The following NUDT6 variants were observed in gnomAD, a reference collection of about 807,000 sequenced individuals.
NUDT6 encodes FAD diphosphatase NUDT6.
NUDT6 carries 24 observed loss-of-function variants against 36.8 expected under a neutral mutation model. That is an observed-to-expected ratio of 0.65 (90% CI 0.47 to 0.92). The LOEUF (loss-of-function observed/expected upper bound fraction) is 0.92. Among genes scored for constraint, NUDT6 ranks in the 40% least tolerant of loss-of-function variants. The pLI is 0.00. For synonymous variants in NUDT6, 163 were observed against 157.0 expected, an observed-to-expected ratio of 1.04 and a Z score of -0.29; for missense variants, 388 against 392.8, an observed-to-expected ratio of 0.99 and a Z score of 0.10.
chr4:122,910,787 G>A (rs1199154266), intron 3 of NUDT6, among the ~76,000 whole-genome samples: 3 of 152,084 alleles, frequency 2.0e-5, no homozygotes, highest in Non-Finnish European at 4.4e-5. Context: ...GGGAAACTTA[G>A]GTCCCCAGAG....
At chr4:122,893,733 A>C (rs1395612675) in intron 4 of NUDT6, 2 of 152,300 alleles carry the variant, frequency 1.3e-5, no homozygotes, top group Non-Finnish European at 2.9e-5. Context: ...TTTTTCAATT[A>C]AATGCAAATT....
chr4:122,897,738 G>T, intron 3 of NUDT6, 60 bp from the exon 4 acceptor site: 1 of 1,153,206 alleles, frequency 8.7e-7, no homozygotes, highest in Non-Finnish European at 1.3e-6. Flanking sequence ...CACATATGTA[G>T]ATTTCACAAA....
chr4:122,901,229 A>T (rs985680702), intron 3 of NUDT6, among the ~76,000 whole-genome samples: 2 of 152,076 alleles, frequency 1.3e-5, no homozygotes, highest in African/African-American at 2.4e-5. Context: ...TGATTTTCAC[A>T]TACTACAAAA....
At position 122,922,341 on chromosome 4, in the gene NUDT6, A is replaced by C; in HGVS notation, c.232T>G (p.Leu78Val). The C allele has an allele frequency of 6.3e-7, 1 of 1,599,896 alleles. No individual in the cohort carries two copies. Among genetic ancestry groups the C allele is most frequent in the Non-Finnish European group, 8.5e-7 (1 of 1,178,378 alleles). The change falls in exon 1 of 5, where the codon TTG becomes GTG. Residue 78 changes from leucine to valine, a missense_variant. Coordinates refer to ENST00000304430, the MANE Select transcript of NUDT6 (RefSeq NM_007083.5). ...RLDAAAFQKG[L>V]QAAVQQWRSE... ...TCGTCCCAGGCGCACTTGCCCTGCAAGCCCTTCTGGAAGGCGGCAGCGTCC... is the reference window on the plus strand; with the variant it reads ...TCGTCCCAGGCGCACTTGCCCTGCACGCCCTTCTGGAAGGCGGCAGCGTCC...
intron 1 of NUDT6, 73 bp downstream of exon 1, chr4:122,922,262 G>T: frequency 1.5e-6 from 2 of 1,321,980 alleles, no homozygotes; most frequent in East Asian, 2.5e-5. Flanking sequence ...GAGCGACTAG[G>T]GAGTGGGGGC....
chr4:122,904,165 C>T (rs918229752), intron 3 of NUDT6, among the ~76,000 whole-genome samples: 3 of 152,156 alleles, frequency 2.0e-5, no homozygotes, highest in African/African-American at 7.2e-5. Flanking sequence ...GGGAAGCTTT[C>T]AGCCAGGAAG....
chr4:122,907,007 C>T (rs1230843195), intron 3 of NUDT6, among the ~76,000 whole-genome samples: 6 of 152,162 alleles, frequency 3.9e-5, no homozygotes, highest in Admixed American at 1.3e-4. Context: ...AATTGCCTGC[C>T]CCTTTCCTGG....
intron 3 of NUDT6, among the ~76,000 whole-genome samples, chr4:122,899,069 G>C (rs1727455020): frequency 1.2e-4 from 1 of 8,572 alleles, no homozygotes; most frequent in Non-Finnish European, 6.4e-4. Flanking sequence ...TTAGAGATGA[G>C]ATTTCACCGT....
intron 4 of NUDT6, chr4:122,897,411 T>C (rs1203781382): frequency 5.3e-6 from 3 of 567,534 alleles, no homozygotes; most frequent in Non-Finnish European, 9.5e-6. Flanking sequence ...GGTGGTATGT[T>C]CCTAATGATA....
intron 1 of NUDT6, chr4:122,922,054 A>ACGG (rs1470985443): frequency 5.3e-6 from 2 of 376,638 alleles, no homozygotes; most frequent in Non-Finnish European, 9.4e-6. Flanking sequence ...ATGGTGGTTT[A>ACGG]CGGCAATTTC....
At chr4:122,897,771 T>C (rs1727409001) in intron 3 of NUDT6, 93 bp from the exon 4 acceptor site, 1 of 856,362 alleles carries the variant, frequency 1.2e-6, no homozygotes, top group African/African-American at 1.7e-5. Flanking sequence ...TTGGTCAAAG[T>C]GGTTGAGAAT....
In NUDT6 at chr4:122,913,802, A is replaced by G. The variant is rs139288610; in HGVS notation, c.443-1179T>C. Among the ~76,000 whole-genome samples, 607 of 152,194 alleles carry G rather than the reference A, an allele frequency of 4.0e-3. 2 individuals carry two copies. The highest frequency in any genetic ancestry group is 0.014 in the African/African-American group (564 of 41,488). On this transcript the variant is annotated intron_variant, in intron 2 of 4. Coordinates refer to ENST00000304430, the MANE Select transcript of NUDT6 (RefSeq NM_007083.5). ...TTTTTAAAAATATTTCCCTTTGGGC[A>G]ATCTTGGGTCAAAAATACAAATGAC...
intron 2 of NUDT6, among the ~76,000 whole-genome samples, chr4:122,916,566 G>A (rs1223129278): frequency 6.6e-6 from 1 of 152,124 alleles, no homozygotes; most frequent in Non-Finnish European, 1.5e-5. Context: ...TACTATTTGA[G>A]TAGTGAAGTT....
At chr4:122,917,825 G>A (rs770036985) in intron 1 of NUDT6, 121 bp from the exon 2 acceptor site, 37 of 777,226 alleles carry the variant, frequency 4.8e-5, no homozygotes, top group Non-Finnish European at 6.5e-5. Flanking sequence ...GTCCCCAAAT[G>A]TCTTGTTCAC....
chr4:122,896,357 A>T (rs1455554374), intron 4 of NUDT6: 2 of 152,610 alleles, frequency 1.3e-5, no homozygotes, highest in Non-Finnish European at 2.9e-5. Flanking sequence ...AAGAGTTCAC[A>T]TGAAAAAAAT....
Position 122,892,887 on chromosome 4 carries a change from A to T in NUDT6, c.892T>A (p.Tyr298Asn). 1.2e-6 allele frequency: 2 copies of T among 1,613,484 alleles called. No homozygotes were observed. Among genetic ancestry groups the T allele is most frequent in the Non-Finnish European group, 1.7e-6 (2 of 1,179,518 alleles). The stretch of plus-strand genomic sequence containing the variant: ...GGCAGTTCCTTATGATAGAGTTTAT[A>T]AAACAGTCCTGTGTAAACTGCTGGA... ...ELPAVYTGLF[Y>N]KLYHKELPEN... Residue 298 changes from tyrosine (Y) to asparagine (N), a missense_variant, in exon 5 of 5, where the codon TAT becomes AAT. Transcript: ENST00000304430.
chr4:122,915,482 A>AAAC (rs1449797612), intron 2 of NUDT6, among the ~76,000 whole-genome samples: 6 of 104,002 alleles, frequency 5.8e-5, no homozygotes, highest in South Asian at 6.9e-4. Flanking sequence ...AAAAAAAAAA[A>AAAC]AAAAAAAAAA....
Position 122,892,930 on chromosome 4 carries a change from G to A in NUDT6, c.849C>T (p.Asp283=). The A allele has an allele frequency of 6.2e-7, 1 of 1,614,100 alleles. No homozygotes were observed. Among genetic ancestry groups the A allele is most frequent in the Non-Finnish European group, 8.5e-7 (1 of 1,180,018 alleles). Reference sequence around the variant, plus strand: ...CTGCTGGAAGTTCTTCCACAGTCAGGTCAATTTTGTCAAACCCTTCTCTGT... The same window carrying A: ...CTGCTGGAAGTTCTTCCACAGTCAGATCAATTTTGTCAAACCCTTCTCTGT... ...YGYREGFDKI[D]LTVEELPAVY... The change falls in exon 5 of 5, where the codon GAC becomes GAT. Residue 283 remains aspartate (D), a synonymous_variant. Transcript: ENST00000304430.
intron 3 of NUDT6, among the ~76,000 whole-genome samples, chr4:122,907,999 T>C (rs1280826399): frequency 1.3e-5 from 2 of 152,204 alleles, no homozygotes; most frequent in African/African-American, 4.8e-5. Context: ...CCAATTCATT[T>C]CTACTAACAA....
Sources: gnomAD v4.1 joint callset for allele counts (sites outside exome capture counted in the v4.1 genomes callset) on GRCh38, gnomAD v4.1.1 for gene constraint, MANE v1.5 for transcripts, NCBI Gene and HGNC (gene_info 2026-07-23, HGNC 2026-07-21) for gene names.